Variants in ZDHHC20 observed in about 807,000 individuals in gnomAD.
The protein encoded by ZDHHC20 is palmitoyltransferase ZDHHC20.
Under a neutral mutation model 57.8 loss-of-function variants are expected in ZDHHC20, and 43 were observed. That is an observed-to-expected ratio of 0.74 (90% CI 0.58 to 0.96). The LOEUF (loss-of-function observed/expected upper bound fraction) is 0.96. ZDHHC20 is among the 40% of genes least tolerant of loss of function. ZDHHC20 has a pLI of 0.00. For missense variants in ZDHHC20, 391 were observed against 441.1 expected (o/e 0.89, Z 1.02); for synonymous variants, 157 against 153.0 (o/e 1.03, Z -0.19).
chr13:21,450,972 T>C (rs1593287970), intron 1 of ZDHHC20, among the ~76,000 whole-genome samples: 1 of 152,316 alleles, frequency 6.6e-6, no homozygotes, highest in East Asian at 1.9e-4. Context: ...CAAACTGCCC[T>C]TGAATTCCTG....
intron 1 of ZDHHC20, among the ~76,000 whole-genome samples, chr13:21,447,802 T>C (rs1883919613): frequency 1.1e-5 from 1 of 87,912 alleles, no homozygotes; most frequent in South Asian, 3.3e-4. Flanking sequence ...GTGAGGAGTG[T>C]CTCCGCCCAG....
At chr13:21,445,933 G>T (rs1055606622) in intron 1 of ZDHHC20, among the ~76,000 whole-genome samples, 6 of 152,172 alleles carry the variant, frequency 3.9e-5, no homozygotes, top group African/African-American at 1.2e-4. Context: ...GACGAAGTGA[G>T]AGCTAGCCAT....
Position 21,378,750 on chromosome 13 carries a change from T to G in ZDHHC20, c.1061-12A>C. ...ATGGTTATTTGTCCCTGTAAGCATA[T>G]AATTATATATGACATGACAAAAAAA... On this transcript the variant is annotated splice_polypyrimidine_tract_variant and intron_variant, in intron 11 of 12. Transcript: ENST00000400590. 2 of 1,302,722 alleles carry G rather than the reference T, an allele frequency of 1.5e-6. No homozygotes were observed. The highest frequency in any genetic ancestry group is 5.4e-5 in the East Asian group (2 of 37,340). 80.7% of individuals were successfully genotyped at this position (1,302,722 alleles called of 1,614,324 possible).
Position 21,378,739 on chromosome 13 carries a change from CTG to C in ZDHHC20, c.1061-3_1061-2del. ...GCCACTGTTACATGGTTATTTGTCC[CTG>C]TAAGCATATAATTATATATGACATG... On this transcript the variant is annotated splice_acceptor_variant and splice_polypyrimidine_tract_variant and intron_variant, in intron 11 of 12. Transcript: ENST00000400590. LOFTEE classifies it high-confidence loss of function. The C allele has an allele frequency of 7.1e-7, 1 of 1,418,370 alleles. No individual in the cohort carries two copies. Among genetic ancestry groups the C allele is most frequent in the Admixed American group, 2.5e-5 (1 of 40,810 alleles). The allele number at this position is 1,418,370 out of a possible 1,614,324, so 87.9% of individuals were successfully genotyped here.
intron 1 of ZDHHC20, among the ~76,000 whole-genome samples, chr13:21,442,763 A>G (rs1883310425): frequency 6.6e-6 from 1 of 152,170 alleles, no homozygotes. Flanking sequence ...TCAAAAAAAA[A>G]AACAAAAAAC....
chr13:21,403,005 ATGTAT>A, intron 4 of ZDHHC20, 139 bp from the exon 5 acceptor site: 1 of 637,002 alleles, frequency 1.6e-6, no homozygotes, highest in Admixed American at 2.6e-5. Context: ...CAATACCAAA[ATGTAT>A]TATACTAGAG....
At chr13:21,391,196 C>T (rs1029372490) in intron 8 of ZDHHC20, among the ~76,000 whole-genome samples, 5 of 152,040 alleles carry the variant, frequency 3.3e-5, no homozygotes, top group Admixed American at 6.6e-5. Flanking sequence ...CGAACTCCTG[C>T]ACTCAAGTAA....
chr13:21,379,383 G>A (rs1438334783), intron 11 of ZDHHC20, among the ~76,000 whole-genome samples: 1 of 151,970 alleles, frequency 6.6e-6, no homozygotes, highest in Non-Finnish European at 1.5e-5. Context: ...CCAGGCTCAA[G>A]CAATCCTCTC....
At chr13:21,396,279 A>G in intron 7 of ZDHHC20, among the ~76,000 whole-genome samples, 1 of 152,196 alleles carries the variant, frequency 6.6e-6, no homozygotes, top group East Asian at 1.9e-4. Context: ...CAAAACCTAC[A>G]TTGTAAAACA....
intron 1 of ZDHHC20, among the ~76,000 whole-genome samples, chr13:21,427,075 T>C (rs1206654125): frequency 1.3e-5 from 2 of 152,234 alleles, no homozygotes; most frequent in African/African-American, 4.8e-5. Flanking sequence ...GAGTCCCTCT[T>C]TAGCCAGAGT....
At chr13:21,450,565 C>G (rs547743917) in intron 1 of ZDHHC20, among the ~76,000 whole-genome samples, 38 of 152,136 alleles carry the variant, frequency 2.5e-4, no homozygotes, top group African/African-American at 9.2e-4. Flanking sequence ...CAGATTAACT[C>G]ACTAGTAGTC....
intron 9 of ZDHHC20, among the ~76,000 whole-genome samples, chr13:21,386,469 A>G (rs1008358839): frequency 1.4e-4 from 22 of 152,258 alleles, no homozygotes; most frequent in Admixed American, 1.4e-3. Context: ...AAACATATAT[A>G]GACTAACAAA....
chr13:21,420,584 A>G (rs1593241844), intron 3 of ZDHHC20, among the ~76,000 whole-genome samples: 1 of 152,242 alleles, frequency 6.6e-6, no homozygotes, highest in Admixed American at 6.5e-5. Flanking sequence ...ATGTTTACCT[A>G]TATTATTTTC....
At chr13:21,413,181 C>A (rs1879467207) in intron 4 of ZDHHC20, among the ~76,000 whole-genome samples, 1 of 152,050 alleles carries the variant, frequency 6.6e-6, no homozygotes, top group African/African-American at 2.4e-5. Flanking sequence ...GGCTTTGGAA[C>A]TAGACAAACC....
chr13:21,431,125 T>G (rs1225778546), intron 1 of ZDHHC20, among the ~76,000 whole-genome samples: 3 of 152,202 alleles, frequency 2.0e-5, no homozygotes, highest in Non-Finnish European at 4.4e-5. Flanking sequence ...TTTGTATTAG[T>G]CCATTTTCAC....
intron 1 of ZDHHC20, among the ~76,000 whole-genome samples, chr13:21,433,261 T>A (rs1882184125): frequency 6.6e-6 from 1 of 152,076 alleles, no homozygotes; most frequent in Non-Finnish European, 1.5e-5. Context: ...GCTAGACAGC[T>A]TGCATGCCAT....
At chr13:21,397,554 TGGG>T (rs1876992999) in intron 7 of ZDHHC20, among the ~76,000 whole-genome samples, 1 of 151,640 alleles carries the variant, frequency 6.6e-6, no homozygotes, top group South Asian at 2.1e-4. Context: ...CCCAGCTACT[TGGG>T]GGCTTGAGGC....
intron 3 of ZDHHC20, among the ~76,000 whole-genome samples, chr13:21,417,815 T>C: frequency 6.6e-6 from 1 of 152,174 alleles, no homozygotes; most frequent in East Asian, 1.9e-4. Flanking sequence ...CTGAGCTGAC[T>C]GAATCCTCCT....
intron 8 of ZDHHC20, among the ~76,000 whole-genome samples, chr13:21,390,826 G>A (rs141636004): frequency 0.029 from 4,413 of 151,826 alleles, 89 homozygotes; most frequent in Middle Eastern, 0.054. Context: ...CTTAAGTCCA[G>A]GAGGTCAAGG....
Sources: allele counts gnomAD v4.1 joint callset (sites outside exome capture counted in the v4.1 genomes callset), GRCh38; gene constraint gnomAD v4.1.1; transcripts MANE v1.5; gene names NCBI Gene and HGNC (gene_info 2026-07-23, HGNC 2026-07-21).